POLR2B: variants seen among roughly 807,000 people sequenced by gnomAD.
POLR2B encodes the protein RNA polymerase II subunit B, also known as DNA-directed RNA polymerase II subunit RPB2.
POLR2B carries 57 observed loss-of-function variants against 144.6 expected under a neutral mutation model. That is an observed-to-expected ratio of 0.39 (90% CI 0.32 to 0.49). POLR2B has a LOEUF of 0.49. POLR2B is among the 20% of genes least tolerant of loss of function. The probability of loss-of-function intolerance (pLI) is 0.83; values close to 1 mark genes in which losing one functional copy is unlikely to be tolerated. For missense variants in POLR2B, 595 were observed against 1,467.4 expected, an observed-to-expected ratio of 0.41 and a Z score of 9.71; for synonymous variants, 442 against 469.8, an observed-to-expected ratio of 0.94 and a Z score of 0.77.
At chr4:57,008,994 C>G (rs927395760) in intron 10 of POLR2B, among the ~76,000 whole-genome samples, 2 of 129,156 alleles carry the variant, frequency 1.5e-5, no homozygotes, top group South Asian at 3.0e-4. Context: ...TGGACAGATT[C>G]ACAGTAATTG....
intron 6 of POLR2B, among the ~76,000 whole-genome samples, chr4:56,996,246 ATGTG>A (rs143954538): frequency 4.8e-5 from 3 of 62,660 alleles, no homozygotes; most frequent in South Asian, 7.6e-4. Context: ...GTGTATGTAT[ATGTG>A]TGTGTGTGTG....
chr4:56,979,140 G>A, intron 1 of POLR2B, 136 bp downstream of exon 1: 1 of 927,592 alleles, frequency 1.1e-6, no homozygotes, highest in Non-Finnish European at 1.8e-6. Flanking sequence ...CACTTACCAG[G>A]CCGGGAACGA....
intron 7 of POLR2B, among the ~76,000 whole-genome samples, chr4:57,000,800 A>T (rs1022936297): frequency 6.6e-6 from 1 of 151,440 alleles, no homozygotes; most frequent in Non-Finnish European, 1.5e-5. Flanking sequence ...GGTTCAAGTG[A>T]TTCTCCTGCC....
At chr4:57,019,438 C>G (rs958310615) in intron 16 of POLR2B, among the ~76,000 whole-genome samples, 6 of 151,744 alleles carry the variant, frequency 4.0e-5, no homozygotes, top group Non-Finnish European at 7.4e-5. Flanking sequence ...CTTCTGGGCT[C>G]AAGTGATTTT....
chr4:57,024,735 A>T (rs1723660645), intron 21 of POLR2B, 151 bp from the exon 22 acceptor site: 3 of 557,744 alleles, frequency 5.4e-6, no homozygotes, highest in Non-Finnish European at 9.3e-6. Flanking sequence ...ATAGATTTTG[A>T]GTTCAAAATC....
chr4:56,989,027 T>G (rs1722423330), intron 2 of POLR2B, among the ~76,000 whole-genome samples: 1 of 152,236 alleles, frequency 6.6e-6, no homozygotes, highest in African/African-American at 2.4e-5. Flanking sequence ...GAAATGAATT[T>G]TGATTTTTTT....
intron 1 of POLR2B, among the ~76,000 whole-genome samples, chr4:56,981,062 G>A (rs925866704): frequency 2.0e-5 from 3 of 152,028 alleles, no homozygotes; most frequent in Non-Finnish European, 4.4e-5. Context: ...CTCGGCCTCC[G>A]AAAGTGCTGG....
rs938373498 is a variant in POLR2B at position 56,987,371 on chromosome 4, C to T, written c.92+945C>T. Among the ~76,000 whole-genome samples, 7 of 142,530 alleles carry T rather than the reference C, an allele frequency of 4.9e-5. No individual in the cohort carries two copies. In the Admixed American group the frequency reaches 5.1e-4, roughly 10 times the overall value. The allele number at this position is 142,530 out of a possible 152,430, so 93.5% of individuals were successfully genotyped here. On this transcript the variant is annotated intron_variant, in intron 2 of 24. Coordinates refer to ENST00000314595, the MANE Select transcript of POLR2B (RefSeq NM_000938.3). ...TAACTTATAAGTGATAAAGTAACAT[C>T]CTGTAAGGTTAGGATGTTAAAGGCT...
chr4:57,012,402 C>T (rs970781255), intron 13 of POLR2B, among the ~76,000 whole-genome samples: 4 of 93,152 alleles, frequency 4.3e-5, no homozygotes, highest in South Asian at 5.0e-4. Context: ...GAGACTCTGT[C>T]TCCAAAAATT....
intron 6 of POLR2B, among the ~76,000 whole-genome samples, chr4:56,996,736 C>T (rs1722703141): frequency 1.3e-5 from 2 of 152,062 alleles, no homozygotes; most frequent in Admixed American, 1.3e-4. Flanking sequence ...AAGCATTCTT[C>T]CCATGTGCAC....
At chr4:57,008,204 T>TG (rs1039487262) in intron 10 of POLR2B, among the ~76,000 whole-genome samples, 5 of 91,488 alleles carry the variant, frequency 5.5e-5, no homozygotes, top group Admixed American at 1.7e-4. Flanking sequence ...TTCAAGGAAT[T>TG]GGTTTTTTTT....
Position 56,982,372 on chromosome 4 carries a change from C to A in POLR2B, c.19+3368C>A, listed in dbSNP as rs139487351. Among the ~76,000 whole-genome samples the A allele has an allele frequency of 9.8e-3, 1,490 of 152,016 alleles. 28 individuals carry two copies. Among genetic ancestry groups the A allele is most frequent in the African/African-American group, 0.033 (1,385 of 41,456 alleles). On this transcript the variant is annotated intron_variant, in intron 1 of 24. Transcript: ENST00000314595. ...AAAGCTTGAGGCCAGGAATTTGAGA[C>A]CAGCCTGGGCAACATAGGGAGACCT...
chr4:57,010,267 CAG>C, intron 10 of POLR2B, 92 bp from the exon 11 acceptor site: 1 of 1,091,280 alleles, frequency 9.2e-7, no homozygotes, highest in Non-Finnish European at 1.4e-6. Context: ...GTTTGATACT[CAG>C]TAGATTATAT....
chr4:56,986,746 G>T (rs1416827483), intron 2 of POLR2B: 12 of 181,286 alleles, frequency 6.6e-5, no homozygotes, highest in Non-Finnish European at 1.2e-4. Flanking sequence ...GTGAGCGAAG[G>T]TCGCACCGCT....
At chr4:56,986,194 A>T in intron 1 of POLR2B, 160 bp from the exon 2 acceptor site, 1 of 704,264 alleles carries the variant, frequency 1.4e-6, no homozygotes, top group Admixed American at 1.9e-5. Context: ...CATAGACATA[A>T]ATTATTTTAT....
At position 56,990,918 on chromosome 4, in the gene POLR2B, TAC is replaced by T; in HGVS notation, c.243+24_243+25del. 6.3e-7 allele frequency: 1 copy of T among 1,597,114 alleles called. No individual in the cohort carries two copies. The highest frequency in any genetic ancestry group is 2.3e-5 in the East Asian group (1 of 44,404). ...GAACCGGTAAGATAGTTCTAATAGT[TAC>T]ACAGGTACAAGAAGCGTATTGGTTT... is the stretch of plus-strand genomic sequence containing the variant. On this transcript the variant is annotated intron_variant, in intron 3 of 24. Transcript: ENST00000314595.
At chr4:56,985,423 C>A (rs1261460503) in intron 1 of POLR2B, 7 of 985,134 alleles carry the variant, frequency 7.1e-6, no homozygotes, top group Non-Finnish European at 8.4e-6. Flanking sequence ...GCACTCCCCC[C>A]CGCCGCCCCG....
intron 13 of POLR2B, 51 bp downstream of exon 13, chr4:57,011,151 C>T: frequency 9.0e-7 from 1 of 1,114,580 alleles, no homozygotes; most frequent in Non-Finnish European, 1.4e-6. Context: ...TTAAACAAGG[C>T]ATAGGACTAG....
At position 56,994,842 on chromosome 4, in the gene POLR2B, T is replaced by C; in HGVS notation, c.552T>C (p.Tyr184=). 3 of 1,602,100 alleles carry C rather than the reference T, an allele frequency of 1.9e-6. No individual in the cohort carries two copies. Among genetic ancestry groups the C allele is most frequent in the African/African-American group, 1.3e-5 (1 of 74,714 alleles). ...AATGCCCTTTGGATCCTGGTGGCTA[T>C]TTCATTATTAATGGATCAGAAAAGG... ...LNECPLDPGG[Y]FIINGSEKVL... is the part of the protein sequence containing the mutation. The change falls in exon 5 of 25, where the codon TAT becomes TAC. Residue 184 remains tyrosine (Y), a synonymous_variant. Coordinates refer to ENST00000314595, the MANE Select transcript of POLR2B (RefSeq NM_000938.3).
Sources: gnomAD v4.1 joint callset for allele counts (sites outside exome capture counted in the v4.1 genomes callset) on GRCh38, gnomAD v4.1.1 for gene constraint, MANE v1.5 for transcripts, NCBI Gene and HGNC (gene_info 2026-07-23, HGNC 2026-07-21) for gene names.